The following PTPRK variants were observed in gnomAD, a reference collection of about 807,000 sequenced individuals.
The protein encoded by PTPRK is protein tyrosine phosphatase receptor type K.
PTPRK carries 75 observed loss-of-function variants against 178.0 expected under a neutral mutation model. The ratio of observed to expected loss-of-function variants is 0.42; its 90% CI spans 0.35 to 0.51. The LOEUF (loss-of-function observed/expected upper bound fraction) is 0.51, where lower values mean the gene tolerates loss of function less well. Ranked by LOEUF, PTPRK falls within the 20% of genes least tolerant of loss-of-function variation. The pLI, the probability that PTPRK is intolerant of heterozygous loss-of-function variation, is 0.02. For synonymous variants in PTPRK, 637 were observed against 620.6 expected, an observed-to-expected ratio of 1.03 and a Z score of -0.39; for missense variants, 1,441 against 1,797.8, an observed-to-expected ratio of 0.80 and a Z score of 3.59.
intron 18 of PTPRK, among the ~76,000 whole-genome samples, chr6:127,993,841 CA>C (rs1776863809): frequency 6.6e-6 from 1 of 151,142 alleles, no homozygotes; most frequent in African/African-American, 2.4e-5. Context: ...AGAAATAGAC[CA>C]AAATACACTG....
intron 13 of PTPRK, among the ~76,000 whole-genome samples, chr6:128,058,998 T>C (rs930644461): frequency 6.6e-6 from 1 of 152,086 alleles, no homozygotes; most frequent in Non-Finnish European, 1.5e-5. Context: ...GTGCATCTAT[T>C]ACTGGAGTTT....
chr6:128,305,688 A>G (rs1036178515), intron 3 of PTPRK, among the ~76,000 whole-genome samples: 1 of 152,208 alleles, frequency 6.6e-6, no homozygotes, highest in East Asian at 1.9e-4. Context: ...GTAAAACTCA[A>G]ATGTTTCATT....
chr6:128,292,586 C>A lies in PTPRK; in HGVS notation c.495+29453G>T, dbSNP rs151085180. ...AAGAAATATAACTCCCAGAACATTTCTTTCACAACTCGGTGGATTTATATG... is the reference window on the plus strand; with the variant it reads ...AAGAAATATAACTCCCAGAACATTTATTTCACAACTCGGTGGATTTATATG... On this transcript the variant is annotated intron_variant, in intron 3 of 29. Coordinates refer to ENST00000368226, the MANE Select transcript of PTPRK (RefSeq NM_002844.4). Among the ~76,000 whole-genome samples, 903 of 152,120 alleles carry A rather than the reference C, an allele frequency of 5.9e-3. 11 individuals carry two copies. Among genetic ancestry groups the A allele is most frequent in the African/African-American group, 0.021 (863 of 41,538 alleles).
rs549125495 is a variant in PTPRK, at chr6:128,170,711, G to A, written c.1162+13721C>T. 3.0e-4 allele frequency among the ~76,000 whole-genome samples: 45 copies of A among 151,920 alleles called. 1 individual carries two copies. In the South Asian group the frequency reaches 7.1e-3, roughly 24 times the overall value. On this transcript the variant is annotated intron_variant, in intron 7 of 29. Coordinates refer to ENST00000368226, the MANE Select transcript of PTPRK (RefSeq NM_002844.4). ...TCACTAAAGAAGAAGAAATTAAAAC[G>A]ACAATTCCTTCCAAACCACACAGAC... is the stretch of plus-strand genomic sequence containing the variant.
intron 1 of PTPRK, among the ~76,000 whole-genome samples, chr6:128,419,345 G>T (rs2128385638): frequency 6.6e-6 from 1 of 152,298 alleles, no homozygotes; most frequent in South Asian, 2.1e-4. Flanking sequence ...GGGCGCGGTG[G>T]CTCACGCCTG....
At chr6:128,425,956 CT>C (rs34437896) in intron 1 of PTPRK, among the ~76,000 whole-genome samples, 3 of 152,170 alleles carry the variant, frequency 2.0e-5, no homozygotes, top group African/African-American at 7.2e-5. Context: ...ACATTAAATA[CT>C]TTTTTTACTA....
At chr6:128,127,377 T>A (rs1793554048) in intron 7 of PTPRK, among the ~76,000 whole-genome samples, 1 of 152,236 alleles carries the variant, frequency 6.6e-6, no homozygotes, top group Non-Finnish European at 1.5e-5. Context: ...AAGATCAAGT[T>A]AGGAAGAACT....
chr6:128,019,516 G>T (rs998909393), intron 13 of PTPRK, among the ~76,000 whole-genome samples: 12 of 146,962 alleles, frequency 8.2e-5, no homozygotes, highest in African/African-American at 3.1e-4. Flanking sequence ...GGAGGGTTCT[G>T]AGAGGAAGCC....
At chr6:128,353,385 A>G (rs1833461208) in intron 2 of PTPRK, among the ~76,000 whole-genome samples, 1 of 152,236 alleles carries the variant, frequency 6.6e-6, no homozygotes, top group Admixed American at 6.5e-5. Context: ...AGAAATAAAA[A>G]TTTATGTTCA....
intron 3 of PTPRK, among the ~76,000 whole-genome samples, chr6:128,295,979 T>G (rs1824282139): frequency 6.6e-6 from 1 of 152,132 alleles, no homozygotes; most frequent in Non-Finnish European, 1.5e-5. Flanking sequence ...AAAAAACGAT[T>G]AACATCACTG....
At chr6:128,358,310 C>T (rs1318624282) in intron 2 of PTPRK, among the ~76,000 whole-genome samples, 1 of 152,188 alleles carries the variant, frequency 6.6e-6, no homozygotes, top group African/African-American at 2.4e-5. Context: ...TGAGGGGTGG[C>T]AGTGCTCCTG....
intron 5 of PTPRK, among the ~76,000 whole-genome samples, chr6:128,227,276 T>C (rs1358240338): frequency 1.3e-5 from 2 of 152,114 alleles, no homozygotes; most frequent in Non-Finnish European, 2.9e-5. Context: ...ATGCAATTTA[T>C]AGAGTGAGAG....
chr6:128,435,090 AAGGAAGGAAGGAAGGAAGGC>A (rs1407959956), intron 1 of PTPRK, among the ~76,000 whole-genome samples: 8,359 of 107,098 alleles, frequency 0.078, 500 homozygotes, highest in South Asian at 0.11. Flanking sequence ...GGAAGGAAGG[AAGGAAGGAAGGAAGGAAGGC>A]AGGAAGGCAG....
At chr6:128,283,075 T>C (rs886376200) in intron 3 of PTPRK, among the ~76,000 whole-genome samples, 1 of 152,132 alleles carries the variant, frequency 6.6e-6, no homozygotes, top group African/African-American at 2.4e-5. Flanking sequence ...GGTCATGCTT[T>C]CCCGCAGCAA....
chr6:128,198,875 A>G (rs1805400991), intron 6 of PTPRK, among the ~76,000 whole-genome samples: 1 of 152,162 alleles, frequency 6.6e-6, no homozygotes, highest in Non-Finnish European at 1.5e-5. Context: ...TTTGAATTAC[A>G]TTTATGTCTT....
At chr6:128,246,540 T>A (rs1014296968) in intron 3 of PTPRK, among the ~76,000 whole-genome samples, 6 of 152,214 alleles carry the variant, frequency 3.9e-5, no homozygotes, top group African/African-American at 7.2e-5. Flanking sequence ...AAGATCAGAT[T>A]CCTTTACTGC....
chr6:128,179,295 T>C (rs1801558629), intron 7 of PTPRK, among the ~76,000 whole-genome samples: 1 of 151,918 alleles, frequency 6.6e-6, no homozygotes, highest in Admixed American at 6.6e-5. Context: ...CCAACAGAAG[T>C]TTTTTTCTGA....
At chr6:128,129,268 C>T (rs1793847350) in intron 7 of PTPRK, among the ~76,000 whole-genome samples, 1 of 152,182 alleles carries the variant, frequency 6.6e-6, no homozygotes, top group Admixed American at 6.5e-5. Context: ...CATCTCATCA[C>T]TGCTATTCAA....
At chr6:128,247,283 C>T (rs1027847785) in intron 3 of PTPRK, among the ~76,000 whole-genome samples, 45 of 151,816 alleles carry the variant, frequency 3.0e-4, no homozygotes, top group African/African-American at 1.0e-3. Context: ...TGTTAAGAGC[C>T]CAGGCTCCAA....
Sources: gnomAD v4.1 joint callset for allele counts (sites outside exome capture counted in the v4.1 genomes callset) on GRCh38, gnomAD v4.1.1 for gene constraint, MANE v1.5 for transcripts, NCBI Gene and HGNC (gene_info 2026-07-23, HGNC 2026-07-21) for gene names.